The following GAB2 variants were observed in gnomAD, a reference collection of about 807,000 sequenced individuals.
GAB2 encodes GRB2 associated binding protein 2, also known as GRB2-associated-binding protein 2.
In GAB2, 26 loss-of-function variants were observed where a neutral mutation model predicts 65.5. That is an observed-to-expected ratio of 0.40 (90% CI 0.29 to 0.55). The LOEUF (loss-of-function observed/expected upper bound fraction) is 0.55, where lower values mean the gene tolerates loss of function less well. Ranked by LOEUF, GAB2 falls within the 20% of genes least tolerant of loss-of-function variation. The pLI, the probability that GAB2 is intolerant of heterozygous loss-of-function variation, is 0.53. For missense variants in GAB2, 884 were observed against 875.8 expected (o/e 1.01, Z -0.12); for synonymous variants, 321 against 329.6 (o/e 0.97, Z 0.28).
At position 78,414,391 on chromosome 11, in the gene GAB2, T is replaced by G. The variant is rs149977282; in HGVS notation, c.75+3255A>C. 4.2e-3 allele frequency among the ~76,000 whole-genome samples: 636 copies of G among 152,334 alleles called. 3 individuals are homozygous for G. The highest frequency in any genetic ancestry group is 0.015 in the African/African-American group (603 of 41,562). The stretch of plus-strand genomic sequence containing the variant: ...TAATGCAGTAGTTCTTTACAATTTG[T>G]GCACAACTTTCTTCAAGTTAGCCAC... On this transcript the variant is annotated intron_variant, in intron 1 of 9. Transcript: ENST00000361507.
At chr11:78,367,342 T>C (rs1400168860) in intron 1 of GAB2, among the ~76,000 whole-genome samples, 1 of 152,134 alleles carries the variant, frequency 6.6e-6, no homozygotes, top group Non-Finnish European at 1.5e-5. Context: ...TAGGTACATA[T>C]ATGAGTGACT....
chr11:78,275,329 A>T (rs984358814), intron 2 of GAB2, among the ~76,000 whole-genome samples: 1 of 152,220 alleles, frequency 6.6e-6, no homozygotes, highest in Non-Finnish European at 1.5e-5. Context: ...CATCATATGA[A>T]AAATGGAAAT....
intron 3 of GAB2, among the ~76,000 whole-genome samples, chr11:78,227,617 G>C (rs1864713205): frequency 8.8e-6 from 1 of 113,796 alleles, no homozygotes. Flanking sequence ...AACACAATAA[G>C]ACTCCATTGC....
chr11:78,385,438 A>C (rs1455297835), intron 1 of GAB2, among the ~76,000 whole-genome samples: 2 of 152,236 alleles, frequency 1.3e-5, no homozygotes, highest in African/African-American at 4.8e-5. Context: ...CTTAATAAGC[A>C]CTTCATGACA....
chr11:78,355,680 TAAA>T (rs67850407), intron 1 of GAB2, among the ~76,000 whole-genome samples: 2 of 79,142 alleles, frequency 2.5e-5, no homozygotes, highest in Admixed American at 1.7e-4. Context: ...CTGTCTCACT[TAAA>T]AAAAAAAAAA....
intron 1 of GAB2, among the ~76,000 whole-genome samples, chr11:78,316,673 T>G (rs1393752736): frequency 6.6e-6 from 1 of 152,184 alleles, no homozygotes; most frequent in African/African-American, 2.4e-5. Flanking sequence ...GGAACCCTTG[T>G]GCAATGTTGG....
chr11:78,410,955 C>G (rs1857119535), intron 1 of GAB2, among the ~76,000 whole-genome samples: 1 of 151,910 alleles, frequency 6.6e-6, no homozygotes, highest in South Asian at 2.1e-4. Flanking sequence ...GTGAGACCAG[C>G]CTGGGCAACG....
At chr11:78,272,163 T>C (rs1249879955) in intron 2 of GAB2, among the ~76,000 whole-genome samples, 1 of 152,188 alleles carries the variant, frequency 6.6e-6, no homozygotes, top group Admixed American at 6.5e-5. Flanking sequence ...GAAAATGGAC[T>C]AATACAGAAA....
chr11:78,341,112 T>C (rs1856085846), intron 1 of GAB2, among the ~76,000 whole-genome samples: 1 of 152,228 alleles, frequency 6.6e-6, no homozygotes, highest in South Asian at 2.1e-4. Context: ...TGATTATATC[T>C]ACTATCTTAC....
intron 1 of GAB2, among the ~76,000 whole-genome samples, chr11:78,342,061 TC>T (rs1261992416): frequency 1.3e-5 from 2 of 152,168 alleles, no homozygotes; most frequent in Non-Finnish European, 2.9e-5. Flanking sequence ...TATCTCCACC[TC>T]CCCTATTGAT....
chr11:78,405,391 G>A (rs1857030475), intron 1 of GAB2, among the ~76,000 whole-genome samples: 1 of 152,136 alleles, frequency 6.6e-6, no homozygotes, highest in Admixed American at 6.5e-5. Flanking sequence ...GAGCCACCAC[G>A]CCTGGCCAAG....
At chr11:78,386,082 T>C (rs1424227352) in intron 1 of GAB2, among the ~76,000 whole-genome samples, 1 of 152,186 alleles carries the variant, frequency 6.6e-6, no homozygotes, top group East Asian at 1.9e-4. Context: ...CTTTATTCTT[T>C]GTCAGGAGAG....
chr11:78,348,354 G>A (rs1856223031), intron 1 of GAB2, among the ~76,000 whole-genome samples: 1 of 152,140 alleles, frequency 6.6e-6, no homozygotes, highest in Admixed American at 6.5e-5. Flanking sequence ...ACAAAGAACT[G>A]GTATCCAGAT....
chr11:78,299,849 T>G (rs925601817), intron 1 of GAB2, among the ~76,000 whole-genome samples: 1 of 152,232 alleles, frequency 6.6e-6, no homozygotes, highest in African/African-American at 2.4e-5. Flanking sequence ...CTAGGAGCTA[T>G]TGGAAAGGCT....
At chr11:78,265,373 T>G (rs1865849211) in intron 2 of GAB2, among the ~76,000 whole-genome samples, 1 of 152,136 alleles carries the variant, frequency 6.6e-6, no homozygotes, top group South Asian at 2.1e-4. Context: ...TTGCCCTCTC[T>G]TCACCTCTAG....
intron 1 of GAB2, among the ~76,000 whole-genome samples, chr11:78,320,238 T>C (rs529922386): frequency 4.0e-4 from 61 of 152,300 alleles, no homozygotes; most frequent in African/African-American, 1.4e-3. Context: ...GGTCTCACTA[T>C]GTTTCCCAGG....
intron 1 of GAB2, among the ~76,000 whole-genome samples, chr11:78,388,662 C>A (rs1349362631): frequency 1.3e-5 from 2 of 152,082 alleles, no homozygotes; most frequent in African/African-American, 4.8e-5. Flanking sequence ...ACAATATAGT[C>A]CCAGAACATA....
intron 1 of GAB2, among the ~76,000 whole-genome samples, chr11:78,409,950 A>G (rs1053642999): frequency 6.6e-6 from 1 of 152,202 alleles, no homozygotes; most frequent in Non-Finnish European, 1.5e-5. Context: ...AATTCCAACT[A>G]AAAGACAGAA....
At chr11:78,238,212 A>T (rs1261637645) in intron 3 of GAB2, among the ~76,000 whole-genome samples, 1 of 151,148 alleles carries the variant, frequency 6.6e-6, no homozygotes, top group African/African-American at 2.5e-5. Context: ...GAAACAAAAA[A>T]AAAAAAAAAA....
Sources: allele counts gnomAD v4.1 joint callset (sites outside exome capture counted in the v4.1 genomes callset), GRCh38; gene constraint gnomAD v4.1.1; transcripts MANE v1.5; gene names NCBI Gene and HGNC (gene_info 2026-07-23, HGNC 2026-07-21).